The following IAH1 variants were observed in gnomAD, a reference collection of about 807,000 sequenced individuals.
IAH1 encodes isoamyl acetate-hydrolyzing esterase 1 homolog.
IAH1 carries 24 observed loss-of-function variants against 26.7 expected under a neutral mutation model. The ratio of observed to expected loss-of-function variants is 0.90; its 90% CI spans 0.65 to 1.26. The LOEUF (loss-of-function observed/expected upper bound fraction) is 1.26. IAH1 is among the 50% of genes most tolerant of loss of function. The pLI is 0.00. For synonymous variants in IAH1, 140 were observed against 118.5 expected (o/e 1.18, Z -1.18); for missense variants, 300 against 299.9 (o/e 1.00, Z 0.00).
the IAH1 span, among the ~76,000 whole-genome samples, chr2:9,504,253 T>C: frequency 0.018 from 2,793 of 151,726 alleles, 87 homozygotes; most frequent in African/African-American, 0.064. Flanking sequence ...GAGACCATCC[T>C]GGCCAACATG....
At chr2:9,496,002 T>C (rs1662567017) in intron 6 of IAH1, among the ~76,000 whole-genome samples, 1 of 151,570 alleles carries the variant, frequency 6.6e-6, no homozygotes, top group Non-Finnish European at 1.5e-5. Context: ...CCTCAACCTA[T>C]CTTCTTTACC....
downstream of IAH1, chr2:9,497,325 T>C: frequency 6.4e-7 from 1 of 1,570,676 alleles, no homozygotes; most frequent in East Asian, 2.3e-5. Context: ...ATACGCTGTT[T>C]CTCATACAAG....
chr2:9,493,092 T>C, downstream of IAH1: 1 of 864,740 alleles, frequency 1.2e-6, no homozygotes, highest in Middle Eastern at 2.3e-4. Context: ...AGCTGCTGGC[T>C]AGACATACTA....
At chr2:9,494,505 G>A (rs528869164), downstream of IAH1, 17 of 1,037,168 alleles carry the variant, frequency 1.6e-5, no homozygotes, top group Admixed American at 9.9e-5. Context: ...AGTAATACCC[G>A]TAGATAACAA....
chr2:9,481,250 A>G, intron 3 of IAH1, 36 bp from the exon 4 acceptor site: 1 of 1,603,792 alleles, frequency 6.2e-7, no homozygotes, highest in Non-Finnish European at 8.5e-7. Flanking sequence ...TATAATAAAT[A>G]TGCATCTGGT....
downstream of IAH1, chr2:9,492,777 C>G: frequency 1.4e-6 from 1 of 722,074 alleles, no homozygotes; most frequent in Non-Finnish European, 2.2e-6. Flanking sequence ...ACAAAAAAAG[C>G]TATTGGAAAT....
upstream of IAH1, chr2:9,473,895 T>C (rs1367571912): frequency 6.6e-6 from 1 of 152,132 alleles, no homozygotes; most frequent in African/African-American, 2.4e-5. Context: ...CATTGCACAG[T>C]TGAGGTAAGA....
Position 9,488,150 on chromosome 2 carries a change from T to A in IAH1, c.568T>A (p.Phe190Ile). The A allele has an allele frequency of 6.2e-7, 1 of 1,603,008 alleles. No individual in the cohort carries two copies. Among genetic ancestry groups the A allele is most frequent in the South Asian group, 1.1e-5 (1 of 89,112 alleles). ...LWTLMQDSQD[F>I]SSYLSDGLHL... ...AACCGATTTCTCTCCCTTCTAGGAC[T>A]TCTCATCTTATTTATCAGATGGACT... is the stretch of plus-strand genomic sequence containing the variant. The change falls in exon 6 of 6, where the codon TTC (phenylalanine) becomes ATC (isoleucine). Residue 190 changes from phenylalanine to isoleucine, a missense_variant. Transcript: ENST00000497473.
chr2:9,504,825 G>A, the IAH1 span, among the ~76,000 whole-genome samples: 1 of 151,768 alleles, frequency 6.6e-6, no homozygotes, highest in African/African-American at 2.4e-5. Context: ...AGCATGCAAG[G>A]TCAAGGATTT....
intron 3 of IAH1, 96 bp downstream of exon 3, chr2:9,478,466 C>A: frequency 8.4e-7 from 1 of 1,193,840 alleles, no homozygotes; most frequent in South Asian, 1.6e-5. Flanking sequence ...TGTTTACTTT[C>A]TCCCAATAGA....
the IAH1 span, among the ~76,000 whole-genome samples, chr2:9,507,796 T>G: frequency 2.0e-5 from 3 of 152,142 alleles, no homozygotes. Context: ...CTTGGCTCAC[T>G]GCCGCCTTGA....
At chr2:9,497,147 T>C, downstream of IAH1, 1 of 1,614,178 alleles carries the variant, frequency 6.2e-7, no homozygotes, top group South Asian at 1.1e-5. Flanking sequence ...TGCTGTTCCC[T>C]CTCGCAGAAA....
chr2:9,474,544 G>GCCCC, upstream of IAH1: 1 of 971,214 alleles, frequency 1.0e-6, no homozygotes, highest in Non-Finnish European at 1.5e-6. The surrounding 1 kb of genome is among the most constrained non-coding windows in gnomAD (Gnocchi z 4.3). Flanking sequence ...TGGCGGCCCC[G>GCCCC]CCCCGCCCCG....
chr2:9,506,964 A>G, the IAH1 span: 1 of 152,054 alleles, frequency 6.6e-6, no homozygotes, highest in Non-Finnish European at 1.5e-5. Context: ...TCCTTGTCAT[A>G]AGACTTCCTC....
downstream of IAH1, among the ~76,000 whole-genome samples, chr2:9,492,615 C>T (rs1662250988): frequency 6.6e-6 from 1 of 152,166 alleles, no homozygotes; most frequent in East Asian, 1.9e-4. Context: ...CATCAAAGGA[C>T]CTGGACAAAT....
the IAH1 span, among the ~76,000 whole-genome samples, chr2:9,503,853 G>T: frequency 6.4e-5 from 8 of 124,162 alleles, no homozygotes; most frequent in Non-Finnish European, 1.0e-4. Flanking sequence ...AAAAAAAAAA[G>T]AAATAAAAGA....
chr2:9,480,529 A>G (rs1364057955), intron 3 of IAH1, among the ~76,000 whole-genome samples: 1 of 152,224 alleles, frequency 6.6e-6, no homozygotes, highest in Non-Finnish European at 1.5e-5. Context: ...CAAAATATGA[A>G]GTCTTCAGTG....
downstream of IAH1, among the ~76,000 whole-genome samples, chr2:9,492,297 A>G (rs946239051): frequency 4.6e-5 from 7 of 152,274 alleles, no homozygotes; most frequent in Non-Finnish European, 8.8e-5. Flanking sequence ...ACATTTATGA[A>G]AAAGGGCCTC....
chr2:9,501,433 C>G (rs1414865404), downstream of IAH1, among the ~76,000 whole-genome samples: 1 of 152,106 alleles, frequency 6.6e-6, no homozygotes, highest in African/African-American at 2.4e-5. Context: ...CTCCTCAGTA[C>G]CCAGAGAAAC....
Sources: gnomAD v4.1 joint callset for allele counts (sites outside exome capture counted in the v4.1 genomes callset) on GRCh38, gnomAD v4.1.1 for gene constraint, Gnocchi (gnomAD v3.1) non-coding constraint, MANE v1.5 for transcripts, NCBI Gene and HGNC (gene_info 2026-07-23, HGNC 2026-07-21) for gene names.